The following PRKAR1B variants were observed in gnomAD, a reference collection of about 807,000 sequenced individuals.
PRKAR1B encodes the protein protein kinase cAMP-dependent type I regulatory subunit beta.
In PRKAR1B, 22 loss-of-function variants were observed where a neutral mutation model predicts 46.5. That is an observed-to-expected ratio of 0.47 (90% CI 0.34 to 0.68). The LOEUF (loss-of-function observed/expected upper bound fraction) is 0.68, where lower values mean the gene tolerates loss of function less well. Ranked by LOEUF, PRKAR1B falls within the 30% of genes least tolerant of loss-of-function variation. The pLI, the probability that PRKAR1B is intolerant of heterozygous loss-of-function variation, is 0.01. For missense variants in PRKAR1B, 445 were observed against 535.6 expected, an observed-to-expected ratio of 0.83 and a Z score of 1.67; for synonymous variants, 259 against 217.7, an observed-to-expected ratio of 1.19 and a Z score of -1.67.
chr7:718,315 T>C (rs1780954697), intron 1 of PRKAR1B, among the ~76,000 whole-genome samples: 1 of 146,324 alleles, frequency 6.8e-6, no homozygotes, highest in African/African-American at 2.5e-5. Context: ...TATACATACA[T>C]ATATATGTAT....
chr7:642,358 C>T (rs1367742110), intron 4 of PRKAR1B, among the ~76,000 whole-genome samples: 1 of 152,158 alleles, frequency 6.6e-6, no homozygotes, highest in Non-Finnish European at 1.5e-5. Context: ...TAAATTCGTT[C>T]AAAGTCACTG....
intron 1 of PRKAR1B, among the ~76,000 whole-genome samples, chr7:726,353 G>A (rs1008126519): frequency 3.3e-5 from 5 of 152,140 alleles, no homozygotes; most frequent in Non-Finnish European, 7.4e-5. Context: ...GGGCTTCCCG[G>A]CTACCCTGGT....
chr7:662,063 C>T (rs1258051182), intron 4 of PRKAR1B, among the ~76,000 whole-genome samples: 2 of 74,632 alleles, frequency 2.7e-5, no homozygotes, highest in African/African-American at 5.7e-5. Flanking sequence ...CACAGGTCCC[C>T]ACCCCAACGG....
intron 4 of PRKAR1B, among the ~76,000 whole-genome samples, chr7:621,681 T>C (rs1783113778): frequency 6.6e-6 from 1 of 152,216 alleles, no homozygotes; most frequent in Non-Finnish European, 1.5e-5. Flanking sequence ...GTCATCCCCA[T>C]GACAGATGCT....
At chr7:675,643 A>G (rs1786538628) in intron 4 of PRKAR1B, among the ~76,000 whole-genome samples, 1 of 152,174 alleles carries the variant, frequency 6.6e-6, no homozygotes. Context: ...TGACCACCCA[A>G]TGTTCATAAA....
chr7:616,286 G>C (rs543500004), intron 4 of PRKAR1B, among the ~76,000 whole-genome samples: 1 of 152,374 alleles, frequency 6.6e-6, no homozygotes, highest in East Asian at 1.9e-4. Flanking sequence ...GCCTGGAGAG[G>C]TCAGAGATCT....
chr7:695,669 T>C (rs1779694055), intron 2 of PRKAR1B, among the ~76,000 whole-genome samples: 1 of 150,908 alleles, frequency 6.6e-6, no homozygotes, highest in African/African-American at 2.5e-5. Flanking sequence ...TTTTTGTTTT[T>C]TGTTTTTTTT....
intron 8 of PRKAR1B, among the ~76,000 whole-genome samples, chr7:583,602 ACACC>A (rs1780403418): frequency 1.5e-5 from 1 of 68,480 alleles, no homozygotes; most frequent in African/African-American, 6.9e-5. Context: ...AGGTGCACAC[ACACC>A]CCCTCACACG....
intron 4 of PRKAR1B, among the ~76,000 whole-genome samples, chr7:611,972 CGGATGGAT>C (rs879656596): frequency 8.1e-6 from 1 of 123,902 alleles, no homozygotes; most frequent in Non-Finnish European, 1.6e-5. Context: ...AGTAGATCAA[CGGATGGAT>C]GGATGGATGG....
chr7:582,163 A>AT (rs1780221663), intron 8 of PRKAR1B, among the ~76,000 whole-genome samples: 1 of 123,616 alleles, frequency 8.1e-6, no homozygotes, highest in Non-Finnish European at 1.8e-5. Flanking sequence ...GCACCTGCCC[A>AT]GGGGGGAACC....
intron 2 of PRKAR1B, among the ~76,000 whole-genome samples, chr7:700,994 C>T (rs1194943214): frequency 6.6e-6 from 1 of 152,040 alleles, no homozygotes; most frequent in Non-Finnish European, 1.5e-5. Context: ...TCGAGAGCAG[C>T]CTGGCCAACA....
chr7:563,797 G>T (rs139399144), intron 9 of PRKAR1B, among the ~76,000 whole-genome samples: 1 of 151,504 alleles, frequency 6.6e-6, no homozygotes, highest in Admixed American at 6.6e-5. Context: ...ATGTGTGTAC[G>T]TGTGTGTGCA....
At chr7:705,515 C>G (rs575322070) in intron 2 of PRKAR1B, among the ~76,000 whole-genome samples, 1 of 151,998 alleles carries the variant, frequency 6.6e-6, no homozygotes, top group African/African-American at 2.4e-5. Flanking sequence ...ACCCTATGAC[C>G]CAGGAATCTC....
At chr7:561,461 C>T (rs907328989) in intron 9 of PRKAR1B, among the ~76,000 whole-genome samples, 3 of 152,228 alleles carry the variant, frequency 2.0e-5, no homozygotes, top group African/African-American at 7.2e-5. Flanking sequence ...CCCTTCCACC[C>T]AAATCCCTTC....
intron 4 of PRKAR1B, among the ~76,000 whole-genome samples, chr7:616,008 A>AAG (rs112413656): frequency 0.011 from 1,709 of 149,344 alleles, 25 homozygotes; most frequent in African/African-American, 0.037. Flanking sequence ...AAAAGGAAGA[A>AAG]AGAGAGAGAG....
intron 2 of PRKAR1B, among the ~76,000 whole-genome samples, chr7:682,273 CAT>C (rs1019470458): frequency 6.6e-6 from 1 of 152,190 alleles, no homozygotes; most frequent in African/African-American, 2.4e-5. Context: ...AATGAAGACA[CAT>C]GTCCCTGGCA....
At chr7:641,333 C>T (rs994108593) in intron 4 of PRKAR1B, among the ~76,000 whole-genome samples, 1 of 152,194 alleles carries the variant, frequency 6.6e-6, no homozygotes, top group Admixed American at 6.5e-5. Context: ...TGAAAACGTA[C>T]GTTCACACAG....
At chr7:613,087 A>G (rs1433627157) in intron 4 of PRKAR1B, among the ~76,000 whole-genome samples, 1 of 152,184 alleles carries the variant, frequency 6.6e-6, no homozygotes, top group Non-Finnish European at 1.5e-5. Context: ...CAGTGTTGCC[A>G]GTGAAAATAG....
At chr7:569,877 C>A (rs1426691870) in intron 9 of PRKAR1B, among the ~76,000 whole-genome samples, 1 of 152,230 alleles carries the variant, frequency 6.6e-6, no homozygotes, top group South Asian at 2.1e-4. Context: ...CCCGAGGGCC[C>A]TGGAACCGTC....
Sources: allele counts gnomAD v4.1 joint callset (sites outside exome capture counted in the v4.1 genomes callset), GRCh38; gene constraint gnomAD v4.1.1; transcripts MANE v1.5; gene names NCBI Gene and HGNC (gene_info 2026-07-23, HGNC 2026-07-21).